The following MKNK2 variants were observed in gnomAD, a reference collection of about 807,000 sequenced individuals.
MKNK2 encodes MAP kinase-interacting serine/threonine-protein kinase 2.
Under a neutral mutation model 55.0 loss-of-function variants are expected in MKNK2, and 54 were observed. The ratio of observed to expected loss-of-function variants is 0.98; its 90% CI spans 0.79 to 1.23. The LOEUF is 1.23. Among genes scored for constraint, MKNK2 ranks in the 50% most tolerant of loss-of-function variants. The probability of loss-of-function intolerance (pLI) is 0.00; values close to 1 mark genes in which losing one functional copy is unlikely to be tolerated. For synonymous variants in MKNK2, 323 were observed against 256.0 expected (o/e 1.26, Z -2.50); for missense variants, 685 against 632.1 (o/e 1.08, Z -0.90).
chr19:2,037,595 T>C lies in MKNK2; in HGVS notation c.*2018A>G. On this transcript the variant is annotated 3_prime_UTR_variant, in exon 14 of 14. Transcript: ENST00000250896. Reference sequence around the variant, plus strand: ...CCTGGTACATTGGAATTAAAGTGCTTGGATGTTTTTCCCCCACTTTAAAAA... The same window carrying C: ...CCTGGTACATTGGAATTAAAGTGCTCGGATGTTTTTCCCCCACTTTAAAAA... 1 of 569,522 alleles carries C rather than the reference T, an allele frequency of 1.8e-6. No individual in the cohort carries two copies. 35.3% of individuals were successfully genotyped at this position (569,522 alleles called of 1,614,324 possible). A position where few individuals can be genotyped will look rare whatever the true frequency, so the allele number is the denominator to read the frequency against.
intron 2 of MKNK2, among the ~76,000 whole-genome samples, chr19:2,047,788 G>A (rs1356151368): frequency 3.9e-5 from 6 of 152,160 alleles, no homozygotes; most frequent in African/African-American, 1.4e-4. Flanking sequence ...TAAGAATTCA[G>A]TGCCTGGTGC....
In MKNK2 at chr19:2,050,878, G is replaced by T. The variant is rs1414235432; in HGVS notation, c.-27C>A. ...TTCTGTCCGGGCCCCGCCAGCGGGGGAGGGGACCGAGGGCCCGGGGGGAGG... is the reference window on the plus strand; with the variant it reads ...TTCTGTCCGGGCCCCGCCAGCGGGGTAGGGGACCGAGGGCCCGGGGGGAGG... On this transcript the variant is annotated 5_prime_UTR_variant, in exon 2 of 14. Coordinates refer to ENST00000250896, the MANE Select transcript of MKNK2 (RefSeq NM_199054.3). 24 of 1,503,102 alleles carry T rather than the reference G, an allele frequency of 1.6e-5. No individual in the cohort carries two copies. Among genetic ancestry groups the T allele is most frequent in the Non-Finnish European group, 2.1e-5 (24 of 1,125,586 alleles). The allele number at this position is 1,503,102 out of a possible 1,614,324, so 93.1% of individuals were successfully genotyped here. A position where few individuals can be genotyped will look rare whatever the true frequency, so the allele number is the denominator to read the frequency against.
chr19:2,042,404 C>G lies in MKNK2; in HGVS notation c.750+23G>C, dbSNP rs751861301. On this transcript the variant is annotated intron_variant, in intron 10 of 13. Transcript: ENST00000250896. Reference sequence around the variant, plus strand: ...ACCGCAGAGCAGGCGGCCGAGCCCCCAGCCCTCCCCGCGGGCCCTCACCGG... The same window carrying G: ...ACCGCAGAGCAGGCGGCCGAGCCCCGAGCCCTCCCCGCGGGCCCTCACCGG... 3 of 1,554,122 alleles carry G rather than the reference C, an allele frequency of 1.9e-6. No individual in the cohort carries two copies. In the African/African-American group the frequency reaches 4.1e-5, roughly 21 times the overall value.
At chr19:2,042,130 G>GACCCC (rs956485626) in intron 10 of MKNK2, 96 bp from the exon 11 acceptor site, 2 of 1,225,548 alleles carry the variant, frequency 1.6e-6, no homozygotes, top group Middle Eastern at 2.9e-4. Context: ...AGCCGGCTCG[G>GACCCC]ACCCCGCCCC....
In MKNK2 at chr19:2,050,952, G is replaced by A. The variant is rs566795863; in HGVS notation, c.-96-5C>T. The stretch of plus-strand genomic sequence containing the variant: ...GGGGCGGCCGAGGAGGGGACCCTGC[G>A]GGCGGGAGCAGACAAAGGGAGGGCG... On this transcript the variant is annotated splice_polypyrimidine_tract_variant and splice_region_variant and intron_variant, in intron 1 of 13. Transcript: ENST00000250896. The A allele has an allele frequency of 2.9e-5, 22 of 755,090 alleles. No individual in the cohort carries two copies. The East Asian group carries it at 4.1e-4, about 14-fold the overall frequency. 46.8% of individuals were successfully genotyped at this position (755,090 alleles called of 1,614,324 possible).
rs377437880 is a variant in MKNK2, at chr19:2,041,112, G to C, written c.1038C>G (p.Ser346=). 7.4e-6 allele frequency: 12 copies of C among 1,614,076 alleles called. No homozygotes were observed. The highest frequency in any genetic ancestry group is 9.3e-6 in the Non-Finnish European group (11 of 1,179,966). ...HISCAAKDLI[S]KLLVRDAKQR... is the part of the protein sequence containing the mutation. ...GCTTGGCGTCACGGACCAGCAGCTTGGAGATGAGGTCTTTGGCAGCGCAGG... is the reference window on the plus strand; with the variant it reads ...GCTTGGCGTCACGGACCAGCAGCTTCGAGATGAGGTCTTTGGCAGCGCAGG... The change falls in exon 12 of 14, where the codon TCC becomes TCG. Residue 346 remains serine, a synonymous_variant. Transcript: ENST00000250896.
intron 13 of MKNK2, 62 bp downstream of exon 13, chr19:2,040,072 G>A: frequency 1.3e-6 from 2 of 1,520,234 alleles, no homozygotes; most frequent in Middle Eastern, 1.7e-4. Flanking sequence ...TTTCACAAAT[G>A]TCTTAACCTG....
rs1251216787 is a variant in MKNK2 at position 2,051,184 on chromosome 19, G to GCGCCGCCGCCGC, written c.-197_-186dup. On this transcript the variant is annotated 5_prime_UTR_variant, in exon 1 of 14. Coordinates refer to ENST00000250896, the MANE Select transcript of MKNK2 (RefSeq NM_199054.3). Reference sequence around the variant, plus strand: ...CGCTCCGCGGACCGCGCGGGGAACAGCGCCGCCGCCGCCGCCAGCGCGGAC... The same window carrying GCGCCGCCGCCGC: ...CGCTCCGCGGACCGCGCGGGGAACAGCGCCGCCGCCGCCGCCGCCGCCGCCGCCAGCGCGGAC... The GCGCCGCCGCCGC allele has an allele frequency of 7.1e-5, 11 of 155,528 alleles. No individual in the cohort carries two copies. Among genetic ancestry groups the GCGCCGCCGCCGC allele is most frequent in the African/African-American group, 2.7e-4 (11 of 41,338 alleles). The allele number at this position is 155,528 out of a possible 1,614,324, so 9.6% of individuals were successfully genotyped here.
intron 2 of MKNK2, among the ~76,000 whole-genome samples, chr19:2,046,939 C>A (rs2017013824): frequency 6.6e-6 from 1 of 152,220 alleles, no homozygotes; most frequent in South Asian, 2.1e-4. Context: ...GCCCCACACT[C>A]AGTGTGTGTG....
At position 2,038,946 on chromosome 19, in the gene MKNK2, G is replaced by C; in HGVS notation, c.*667C>G. The C allele has an allele frequency of 1.0e-6, 1 of 985,884 alleles. No homozygotes were observed. 61.1% of individuals were successfully genotyped at this position (985,884 alleles called of 1,614,324 possible). A position where few individuals can be genotyped will look rare whatever the true frequency, so the allele number is the denominator to read the frequency against. ...CACCAGGAGTCCTGGACAGACAGAC[G>C]GGCCTTGCAGGAAGCCCCGATTGTC... On this transcript the variant is annotated 3_prime_UTR_variant, in exon 14 of 14. Transcript: ENST00000250896.
At position 2,038,115 on chromosome 19, in the gene MKNK2, G is replaced by A. The variant is rs186784239; in HGVS notation, c.*1498C>T. On this transcript the variant is annotated 3_prime_UTR_variant, in exon 14 of 14. Coordinates refer to ENST00000250896, the MANE Select transcript of MKNK2 (RefSeq NM_199054.3). The stretch of plus-strand genomic sequence containing the variant: ...AAGGCAGAGCACCCCCACGGCCACC[G>A]GACTGTGACCATCATACGAGATTCA... 8.2e-4 allele frequency: 894 copies of A among 1,095,868 alleles called. 2 individuals carry two copies. The highest frequency in any genetic ancestry group is 8.0e-3 in the African/African-American group (483 of 60,498). 67.9% of individuals were successfully genotyped at this position (1,095,868 alleles called of 1,614,324 possible).
At position 2,042,813 on chromosome 19, in the gene MKNK2, A is replaced by G; in HGVS notation, c.551T>C (p.Val184Ala). ...GGCGCTGGCCACGTCCTGCACCACC[A>G]CGCTGGCCTCCAGCTCGTTGAAGTG... Reference protein sequence around the residue: ...RRHFNELEASVVVQDVASALD... With the variant: ...RRHFNELEASAVVQDVASALD... The change falls in exon 8 of 14, where the codon GTG becomes GCG. Residue 184 changes from valine to alanine, a missense_variant. Coordinates refer to ENST00000250896, the MANE Select transcript of MKNK2 (RefSeq NM_199054.3). The G allele has an allele frequency of 6.3e-7, 1 of 1,581,574 alleles. No homozygotes were observed. Among genetic ancestry groups the G allele is most frequent in the Non-Finnish European group, 8.6e-7 (1 of 1,163,164 alleles).
intron 12 of MKNK2, 52 bp from the exon 13 acceptor site, chr19:2,040,229 G>A (rs746672533): frequency 1.4e-6 from 2 of 1,474,286 alleles, no homozygotes; most frequent in Non-Finnish European, 1.8e-6. Context: ...GGGCCGCCTG[G>A]GGCGCTGGGT....
rs1568241551 is a variant in MKNK2 at position 2,050,912 on chromosome 19, C to A, written c.-61G>T. ...GAGGGCCCGGGGGGAGGCCCGAGGG[C>A]GGGCGGCCGGGCGGGGGGCGGCCGA... On this transcript the variant is annotated 5_prime_UTR_variant, in exon 2 of 14. Coordinates refer to ENST00000250896, the MANE Select transcript of MKNK2 (RefSeq NM_199054.3). 3 of 1,274,464 alleles carry A rather than the reference C, an allele frequency of 2.4e-6. No homozygotes were observed. The highest frequency in any genetic ancestry group is 5.5e-5 in the Admixed American group (2 of 36,656). 78.9% of individuals were successfully genotyped at this position (1,274,464 alleles called of 1,614,324 possible).
In MKNK2 at chr19:2,038,037, C is replaced by A. The variant is rs968774031; in HGVS notation, c.*1576G>T. 61 of 1,292,274 alleles carry A rather than the reference C, an allele frequency of 4.7e-5. No homozygotes were observed. The highest frequency in any genetic ancestry group is 6.5e-5 in the Admixed American group (2 of 30,910). The allele number at this position is 1,292,274 out of a possible 1,614,324, so 80.1% of individuals were successfully genotyped here. On this transcript the variant is annotated 3_prime_UTR_variant, in exon 14 of 14. Coordinates refer to ENST00000250896, the MANE Select transcript of MKNK2 (RefSeq NM_199054.3). ...GGGGTGGGCGGAATGCCCCACCCCC[C>A]CCAGGGGTCTTTGGAAGGGGCAGTC...
At position 2,038,402 on chromosome 19, in the gene MKNK2, C is replaced by T. The variant is rs2016800648; in HGVS notation, c.*1211G>A. The T allele has an allele frequency of 4.1e-6, 4 of 985,958 alleles. No homozygotes were observed. The highest frequency in any genetic ancestry group is 4.8e-6 in the Non-Finnish European group (4 of 830,112). 61.1% of individuals were successfully genotyped at this position (985,958 alleles called of 1,614,324 possible). ...CCGCGCGCACTTCTAAAGTGGAACC[C>T]TGTATTGCATAGAACGTCCCCACCC... On this transcript the variant is annotated 3_prime_UTR_variant, in exon 14 of 14. Coordinates refer to ENST00000250896, the MANE Select transcript of MKNK2 (RefSeq NM_199054.3).
rs757124310 is a variant in MKNK2 at position 2,039,824 on chromosome 19, G to T, written c.1187C>A (p.Ala396Glu). The T allele has an allele frequency of 1.2e-6, 2 of 1,602,326 alleles. No individual in the cohort carries two copies. Among genetic ancestry groups the T allele is most frequent in the South Asian group, 1.1e-5 (1 of 90,986 alleles). The change falls in exon 14 of 14, where the codon GCG (alanine) becomes GAG (glutamate). Residue 396 changes from alanine (A) to glutamate (E), a missense_variant. Physicochemically the swap from Ala to Glu is moderately radical, Grantham distance 107. Transcript: ENST00000250896. Reference sequence around the variant, plus strand: ...CCGGTTCATGGCAATGGCCTCAGCCGCGAAGGACGTGAGGTCTTTGGCACA... The same window carrying T: ...CCGGTTCATGGCAATGGCCTCAGCCTCGAAGGACGTGAGGTCTTTGGCACA... ...NSCAKDLTSF[A>E]AEAIAMNRQL...
intron 12 of MKNK2, 124 bp from the exon 13 acceptor site, chr19:2,040,301 A>T: frequency 1.1e-6 from 1 of 879,864 alleles, no homozygotes. Context: ...GGAGACCAGG[A>T]GTGCACCTGG....
rs1018499719 is a variant in MKNK2 at position 2,046,358 on chromosome 19, C to T, written c.241+9G>A. The T allele has an allele frequency of 6.2e-7, 1 of 1,606,642 alleles. No individual in the cohort carries two copies. On this transcript the variant is annotated intron_variant, in intron 4 of 13. Coordinates refer to ENST00000250896, the MANE Select transcript of MKNK2 (RefSeq NM_199054.3). ...CCCGGCTCCCCCAATGCCCGCCATC[C>T]CCGCTCACCTTCAAACCTGCCCGAG... is the stretch of plus-strand genomic sequence containing the variant.
Sources: gnomAD v4.1 joint callset for allele counts (sites outside exome capture counted in the v4.1 genomes callset) on GRCh38, gnomAD v4.1.1 for gene constraint, MANE v1.5 for transcripts, NCBI Gene and HGNC (gene_info 2026-07-23, HGNC 2026-07-21) for gene names.